The following PIK3AP1 variants were observed in gnomAD, a reference collection of about 807,000 sequenced individuals.
PIK3AP1 encodes the protein phosphoinositide-3-kinase adaptor protein 1.
PIK3AP1 carries 21 observed loss-of-function variants against 88.1 expected under a neutral mutation model. The ratio of observed to expected loss-of-function variants is 0.24; its 90% CI spans 0.17 to 0.34. The LOEUF is 0.34. Ranked by LOEUF, PIK3AP1 falls within the 10% of genes least tolerant of loss-of-function variation. The pLI, the probability that PIK3AP1 is intolerant of heterozygous loss-of-function variation, is 1.00. For synonymous variants in PIK3AP1, 398 were observed against 400.0 expected (o/e 1.00, Z 0.06); for missense variants, 828 against 1,035.7 (o/e 0.80, Z 2.75).
chr10:96,602,326 A>T lies in PIK3AP1; in HGVS notation c.2314T>A (p.Ser772Thr), dbSNP rs1166606975. 6.2e-7 allele frequency: 1 copy of T among 1,611,014 alleles called. No homozygotes were observed. The highest frequency in any genetic ancestry group is 1.3e-5 in the African/African-American group (1 of 74,696). ...PPQVDGTPTM[S>T]LERPPRVPPR... ...GGCACCCTGGGGGGTCTCTCGAGGG[A>T]CATGGTGGGTGTCCCATCCACTTGT... Residue 772 changes from serine to threonine, a missense_variant, in exon 16 of 17, where the codon TCC (serine) becomes ACC (threonine). This residue lies in a region of PIK3AP1 where 191 missense variants were observed against 208.6 expected (regional missense o/e 0.92). Transcript: ENST00000339364.
At chr10:96,687,276 A>AAAAAAAAAT (rs1844085357) in intron 2 of PIK3AP1, among the ~76,000 whole-genome samples, 1 of 135,636 alleles carries the variant, frequency 7.4e-6, no homozygotes, top group African/African-American at 3.7e-5. Context: ...AAAAAAAAAA[A>AAAAAAAAAT]AAAAAAAAAG....
At chr10:96,703,824 C>T (rs1844329540) in intron 2 of PIK3AP1, among the ~76,000 whole-genome samples, 1 of 152,200 alleles carries the variant, frequency 6.6e-6, no homozygotes, top group African/African-American at 2.4e-5. Flanking sequence ...TGGTATATTA[C>T]AGTGCTGGAG....
At position 96,709,850 on chromosome 10, in the gene PIK3AP1, G is replaced by A. The variant is rs557918551; in HGVS notation, c.147C>T (p.Pro49=). 1.4e-5 allele frequency: 22 copies of A among 1,613,964 alleles called. No individual in the cohort carries two copies. The highest frequency in any genetic ancestry group is 1.1e-4 in the East Asian group (5 of 44,890). ...SQKILTHRLG[P]EASFSAEDLS... is the part of the protein sequence containing the mutation. ...GGTCCTCTGCCGAGAAGGAGGCCTCGGGGCCCAGCCTGTGAGTCAGTATCT... is the reference window on the plus strand; with the variant it reads ...GGTCCTCTGCCGAGAAGGAGGCCTCAGGGCCCAGCCTGTGAGTCAGTATCT... Residue 49 remains proline, a synonymous_variant, in exon 2 of 17, where the codon CCC becomes CCT. Coordinates refer to ENST00000339364, the MANE Select transcript of PIK3AP1 (RefSeq NM_152309.3).
At chr10:96,646,597 G>T (rs1363782104) in intron 7 of PIK3AP1, among the ~76,000 whole-genome samples, 3 of 152,090 alleles carry the variant, frequency 2.0e-5, no homozygotes, top group African/African-American at 7.2e-5. Context: ...TGTGTAGTCA[G>T]AGGTCACTCC....
At chr10:96,682,160 T>C (rs1844011433) in intron 2 of PIK3AP1, among the ~76,000 whole-genome samples, 1 of 152,306 alleles carries the variant, frequency 6.6e-6, no homozygotes. Context: ...TCCTGATCCT[T>C]AAGTGTCCCT....
chr10:96,711,226 C>G (rs909718548), intron 1 of PIK3AP1, among the ~76,000 whole-genome samples: 6 of 152,326 alleles, frequency 3.9e-5, no homozygotes, highest in African/African-American at 1.4e-4. Flanking sequence ...CAGGTTATTC[C>G]CTGGTTCCCA....
intron 8 of PIK3AP1, among the ~76,000 whole-genome samples, chr10:96,636,777 G>A (rs1843318159): frequency 6.6e-6 from 1 of 152,194 alleles, no homozygotes; most frequent in South Asian, 2.1e-4. Flanking sequence ...CAGCTATAGA[G>A]TCACACTGCA....
chr10:96,698,999 G>A (rs1844258352), intron 2 of PIK3AP1, among the ~76,000 whole-genome samples: 1 of 151,942 alleles, frequency 6.6e-6, no homozygotes, highest in African/African-American at 2.4e-5. Context: ...CCAACATAGA[G>A]AAATCCCATC....
At chr10:96,651,697 C>A in intron 4 of PIK3AP1, 46 bp from the exon 5 acceptor site, 2 of 1,600,786 alleles carry the variant, frequency 1.2e-6, no homozygotes, top group South Asian at 2.2e-5. Context: ...GAAAAACAAG[C>A]ATCCAGGGAA....
At chr10:96,631,424 G>T (rs899506584) in intron 8 of PIK3AP1, among the ~76,000 whole-genome samples, 1 of 152,184 alleles carries the variant, frequency 6.6e-6, no homozygotes, top group Non-Finnish European at 1.5e-5. Flanking sequence ...AACTGAAGGA[G>T]CTATAAAGAG....
chr10:96,661,015 T>G (rs1185470131), intron 2 of PIK3AP1, among the ~76,000 whole-genome samples: 1 of 152,096 alleles, frequency 6.6e-6, no homozygotes, highest in Non-Finnish European at 1.5e-5. Flanking sequence ...TGAAACCCTG[T>G]TTCTACTGAA....
chr10:96,653,015 C>T (rs181511873), intron 3 of PIK3AP1, among the ~76,000 whole-genome samples, 173 bp from the exon 4 acceptor site: 59 of 152,060 alleles, frequency 3.9e-4, no homozygotes, highest in African/African-American at 1.3e-3. Flanking sequence ...CCAGTCCCAA[C>T]GAGACAAGTC....
At position 96,696,402 on chromosome 10, in the gene PIK3AP1, A is replaced by G. The variant is rs919735695; in HGVS notation, c.430+13165T>C. Among the ~76,000 whole-genome samples, 9 of 152,344 alleles carry G rather than the reference A, an allele frequency of 5.9e-5. No individual in the cohort carries two copies. The South Asian group carries it at 1.4e-3, about 25-fold the overall frequency. ...AAATTTTCTGCCCAGAATGAAGACC[A>G]TATGACAAGCCCTATTGTGGTTTCA... On this transcript the variant is annotated intron_variant, in intron 2 of 16. Transcript: ENST00000339364.
chr10:96,651,540 T>C lies in PIK3AP1; in HGVS notation c.824A>G (p.Asn275Ser), dbSNP rs1843537583. Residue 275 changes from asparagine (N) to serine (S), a missense_variant, in exon 5 of 17, where the codon AAT becomes AGT. By Grantham distance (46) the Asn-to-Ser change is conservative. Coordinates refer to ENST00000339364, the MANE Select transcript of PIK3AP1 (RefSeq NM_152309.3). ...DMEEIGNLLS[N>S]AANPVEFMCQ... Reference sequence around the variant, plus strand: ...CATGAATTCCACAGGATTCGCGGCATTGGACAATAAATTCCCAATTTCTTC... The same window carrying C: ...CATGAATTCCACAGGATTCGCGGCACTGGACAATAAATTCCCAATTTCTTC... 1 of 1,614,106 alleles carries C rather than the reference T, an allele frequency of 6.2e-7. No individual in the cohort carries two copies. Among genetic ancestry groups the C allele is most frequent in the Admixed American group, 1.7e-5 (1 of 60,006 alleles).
At chr10:96,620,283 T>C in intron 12 of PIK3AP1, 69 bp downstream of exon 12, 2 of 1,511,306 alleles carry the variant, frequency 1.3e-6, no homozygotes, top group South Asian at 1.2e-5. Context: ...AAGACAGCCA[T>C]GGCCCAGCCC....
chr10:96,715,480 C>G (rs1188856588), intron 1 of PIK3AP1, among the ~76,000 whole-genome samples: 26 of 152,156 alleles, frequency 1.7e-4, no homozygotes, highest in Admixed American at 1.7e-3. Context: ...AAAAACCACA[C>G]TAATGTAAGA....
rs951776271 is a variant in PIK3AP1, at chr10:96,698,898, C to T, written c.430+10669G>A. On this transcript the variant is annotated intron_variant, in intron 2 of 16. Transcript: ENST00000339364. ...ACACTTAAAATATTAAAATATTAGGCCCGGCGTAGTGGCTCACGCCTGTAA... is the reference window on the plus strand; with the variant it reads ...ACACTTAAAATATTAAAATATTAGGTCCGGCGTAGTGGCTCACGCCTGTAA... 3.3e-5 allele frequency among the ~76,000 whole-genome samples: 5 copies of T among 152,234 alleles called. No homozygotes were observed. The East Asian group carries it at 5.8e-4, about 18-fold the overall frequency.
intron 8 of PIK3AP1, among the ~76,000 whole-genome samples, chr10:96,644,588 C>A (rs926113863): frequency 3.3e-4 from 50 of 152,200 alleles, no homozygotes; most frequent in African/African-American, 1.2e-3. Context: ...AAAGGCATTA[C>A]TTTTGCATTG....
chr10:96,710,570 C>T (rs1405490693), intron 1 of PIK3AP1, among the ~76,000 whole-genome samples: 1 of 152,114 alleles, frequency 6.6e-6, no homozygotes, highest in Non-Finnish European at 1.5e-5. Flanking sequence ...GCCTGGCATG[C>T]ACCTTCCCCC....
Sources: gnomAD v4.1 joint callset for allele counts (sites outside exome capture counted in the v4.1 genomes callset) on GRCh38, gnomAD v4.1.1 for gene constraint, gnomAD v4.1.1 regional missense constraint, MANE v1.5 for transcripts, NCBI Gene and HGNC (gene_info 2026-07-23, HGNC 2026-07-21) for gene names.